LRRC58: variants seen among roughly 807,000 people sequenced by gnomAD.
The protein encoded by LRRC58 is leucine rich repeat containing 58, also known as leucine-rich repeat-containing protein 58.
A neutral mutation model predicts 30.6 loss-of-function variants in LRRC58; 18 were observed. The observed-to-expected ratio is 0.59, with a 90% CI of 0.41 to 0.87. LRRC58 has a LOEUF of 0.87. LRRC58 is among the 40% of genes least tolerant of loss of function. The pLI is 0.00. For missense variants in LRRC58, 420 were observed against 468.4 expected, an observed-to-expected ratio of 0.90 and a Z score of 0.95; for synonymous variants, 221 against 206.0, an observed-to-expected ratio of 1.07 and a Z score of -0.62.
chr3:120,325,419 C>T lies in LRRC58; in HGVS notation c.*5781G>A, dbSNP rs1398085899. 2 of 152,252 alleles carry T rather than the reference C, an allele frequency of 1.3e-5. No homozygotes were observed. Among genetic ancestry groups the T allele is most frequent in the African/African-American group, 4.8e-5 (2 of 41,544 alleles). The allele number at this position is 152,252 out of a possible 1,614,324, so 9.4% of individuals were successfully genotyped here. A position where few individuals can be genotyped will look rare whatever the true frequency, so the allele number is the denominator to read the frequency against. On this transcript the variant is annotated 3_prime_UTR_variant, in exon 4 of 4. Coordinates refer to ENST00000295628, the MANE Select transcript of LRRC58 (RefSeq NM_001099678.2). ...TTTCCACCATAGGTTTGTGGTATGA[C>T]AGTATATAAATAACCTTCATTAAAC...
At chr3:120,331,707 G>A (rs1395977755) in intron 3 of LRRC58, among the ~76,000 whole-genome samples, 2 of 152,030 alleles carry the variant, frequency 1.3e-5, no homozygotes, top group Non-Finnish European at 2.9e-5. Flanking sequence ...GGAGATTTTA[G>A]GACACCTGAG....
Position 120,324,608 on chromosome 3 carries a change from C to A in LRRC58, c.*6592G>T, listed in dbSNP as rs1935648134. 6.6e-6 allele frequency: 1 copy of A among 152,050 alleles called. No homozygotes were observed. The highest frequency in any genetic ancestry group is 6.5e-5 in the Admixed American group (1 of 15,278). The allele number at this position is 152,050 out of a possible 1,614,324, so 9.4% of individuals were successfully genotyped here. A position where few individuals can be genotyped will look rare whatever the true frequency, so the allele number is the denominator to read the frequency against. Reference sequence around the variant, plus strand: ...ACTTTAATATAGAACTGGATTCCAACAAAACAGTTTTATTAAAATAAGGCA... The same window carrying A: ...ACTTTAATATAGAACTGGATTCCAAAAAAACAGTTTTATTAAAATAAGGCA... On this transcript the variant is annotated 3_prime_UTR_variant, in exon 4 of 4. Coordinates refer to ENST00000295628, the MANE Select transcript of LRRC58 (RefSeq NM_001099678.2).
intron 3 of LRRC58, among the ~76,000 whole-genome samples, chr3:120,332,738 A>C (rs1302046444): frequency 6.6e-6 from 1 of 151,824 alleles, no homozygotes; most frequent in Non-Finnish European, 1.5e-5. Context: ...AGATTATCTC[A>C]AATTTTAAAC....
intron 1 of LRRC58, among the ~76,000 whole-genome samples, chr3:120,338,229 T>C (rs1935860177): frequency 6.6e-6 from 1 of 152,234 alleles, no homozygotes; most frequent in Non-Finnish European, 1.5e-5. Context: ...TTTGTTGGTA[T>C]TTATTTCATT....
chr3:120,340,647 G>A (rs570283758), intron 1 of LRRC58, among the ~76,000 whole-genome samples: 3 of 152,284 alleles, frequency 2.0e-5, no homozygotes, highest in Non-Finnish European at 2.9e-5. Context: ...GCTGAGGCAG[G>A]TGGATGACTT....
At chr3:120,348,722 C>T (rs1336036584) in intron 1 of LRRC58, 22 bp downstream of exon 1, 1 of 1,519,880 alleles carries the variant, frequency 6.6e-7, no homozygotes, top group Admixed American at 2.0e-5. Flanking sequence ...GCCTCCCCAC[C>T]CTCCGGCACA....
intron 1 of LRRC58, among the ~76,000 whole-genome samples, chr3:120,343,930 T>C (rs1170077575): frequency 6.6e-6 from 1 of 152,076 alleles, no homozygotes; most frequent in African/African-American, 2.4e-5. Context: ...TCCCAGCTAC[T>C]TGGGAGGCTG....
intron 1 of LRRC58, among the ~76,000 whole-genome samples, chr3:120,336,851 TA>T (rs10707185): frequency 0.061 from 8,954 of 147,878 alleles, 728 homozygotes; most frequent in African/African-American, 0.19. Flanking sequence ...TATTTATATA[TA>T]AAAAATATAT....
chr3:120,338,939 A>C (rs192231680), intron 1 of LRRC58, among the ~76,000 whole-genome samples: 1 of 152,348 alleles, frequency 6.6e-6, no homozygotes, highest in Admixed American at 6.5e-5. Context: ...AGCAGACTGG[A>C]GCCTAATCCA....
chr3:120,331,303 G>A lies in LRRC58; in HGVS notation c.1013C>T (p.Pro338Leu). The A allele has an allele frequency of 6.2e-7, 1 of 1,613,980 alleles. No homozygotes were observed. The highest frequency in any genetic ancestry group is 8.5e-7 in the Non-Finnish European group (1 of 1,179,852). The change falls in exon 4 of 4, where the codon CCT becomes CTT. Residue 338 changes from proline to leucine, a missense_variant. Pro to Leu is a moderately conservative substitution (Grantham distance 98, BLOSUM62 -3). Coordinates refer to ENST00000295628, the MANE Select transcript of LRRC58 (RefSeq NM_001099678.2). ...GGAGCTGTGAGAGGCAGAACTGCAA[G>A]GGGAAGAACATTCTGGTGAACACAA... Reference protein sequence around the residue: ...HYLCSPECSSPCSSASHSSTS... With the variant: ...HYLCSPECSSLCSSASHSSTS...
Position 120,330,972 on chromosome 3 carries a change from C to T in LRRC58, c.*228G>A, listed in dbSNP as rs1201024190. The T allele has an allele frequency of 3.9e-6, 2 of 511,066 alleles. No individual in the cohort carries two copies. Among genetic ancestry groups the T allele is most frequent in the Non-Finnish European group, 7.1e-6 (2 of 283,176 alleles). The allele number at this position is 511,066 out of a possible 1,614,324, so 31.7% of individuals were successfully genotyped here. A position where few individuals can be genotyped will look rare whatever the true frequency, so the allele number is the denominator to read the frequency against. On this transcript the variant is annotated 3_prime_UTR_variant, in exon 4 of 4. Coordinates refer to ENST00000295628, the MANE Select transcript of LRRC58 (RefSeq NM_001099678.2). ...TTGAGTGAAAACTGCAAACCATCAG[C>T]CAAATGTGAAACTATCATTCACAAA... is the stretch of plus-strand genomic sequence containing the variant.
rs942149810 is a variant in LRRC58, at chr3:120,334,263, G to T, written c.907+599C>A. On this transcript the variant is annotated intron_variant, in intron 3 of 3. Transcript: ENST00000295628. The stretch of plus-strand genomic sequence containing the variant: ...CTCACGCCTGTAATCCCAGCACTTT[G>T]GGAGGCCGAGGTGGGCGGATCACAA... 4.6e-5 allele frequency among the ~76,000 whole-genome samples: 7 copies of T among 152,274 alleles called. No individual in the cohort carries two copies. The South Asian group carries it at 1.5e-3, about 32-fold the overall frequency.
intron 3 of LRRC58, among the ~76,000 whole-genome samples, chr3:120,333,165 G>A (rs1935782780): frequency 6.6e-6 from 1 of 152,046 alleles, no homozygotes; most frequent in Admixed American, 6.5e-5. Flanking sequence ...TTACAGACAG[G>A]CATGAGCCAC....
chr3:120,334,723 C>A, intron 3 of LRRC58, 139 bp downstream of exon 3: 2 of 813,692 alleles, frequency 2.5e-6, no homozygotes, highest in Non-Finnish European at 3.7e-6. Context: ...TTTAAAAAAC[C>A]CAGAGTGAAA....
At position 120,331,218 on chromosome 3, in the gene LRRC58, CT is replaced by C; in HGVS notation, c.1097del (p.Gln366ArgfsTer14). 6.2e-7 allele frequency: 1 copy of C among 1,613,998 alleles called. No homozygotes were observed. On this transcript the variant is annotated frameshift_variant, in exon 4 of 4. Transcript: ENST00000295628. LOFTEE classifies it high-confidence loss of function. ...DEASVAARRM[Q>X]KVLLG ...CTCCTGTTCAACCAAGAAGAACTTT[CT>C]GCATTCTGCGTGCAGCAACACTAGC...
rs769900477 is a variant in LRRC58, at chr3:120,334,967, G to A, written c.802C>T (p.Arg268Trp). 1.3e-5 allele frequency: 21 copies of A among 1,613,624 alleles called. No individual in the cohort carries two copies. The highest frequency in any genetic ancestry group is 3.3e-5 in the Admixed American group (2 of 59,968). ...GAAATATTTCGAATCTTAATGGTCC[G>A]TGCAGCTAATTCCAGGAGAGTTGGA... ...DPPTLLELAA[R>W]TIKIRNISYT... The change falls in exon 3 of 4, where the codon CGG becomes TGG. Residue 268 changes from arginine (R) to tryptophan (W), a missense_variant. Coordinates refer to ENST00000295628, the MANE Select transcript of LRRC58 (RefSeq NM_001099678.2).
At position 120,328,471 on chromosome 3, in the gene LRRC58, G is replaced by C. The variant is rs1298376991; in HGVS notation, c.*2729C>G. ...ATCCATAGTTTTGGTCACTAAAATC[G>C]TCCAAGTAGAGCAATATCAAAAACT... is the stretch of plus-strand genomic sequence containing the variant. On this transcript the variant is annotated 3_prime_UTR_variant, in exon 4 of 4. Coordinates refer to ENST00000295628, the MANE Select transcript of LRRC58 (RefSeq NM_001099678.2). 2.0e-5 allele frequency: 3 copies of C among 152,100 alleles called. No individual in the cohort carries two copies. Among genetic ancestry groups the C allele is most frequent in the African/African-American group, 7.2e-5 (3 of 41,414 alleles). The allele number at this position is 152,100 out of a possible 1,614,324, so 9.4% of individuals were successfully genotyped here.
intron 1 of LRRC58, among the ~76,000 whole-genome samples, chr3:120,347,358 C>CT (rs973023241): frequency 4.3e-5 from 4 of 92,442 alleles, no homozygotes; most frequent in Non-Finnish European, 7.1e-5. Flanking sequence ...ACCAAGAGTT[C>CT]TTTTTTCCCA....
rs773246964 is a variant in LRRC58, at chr3:120,335,032, G to A, written c.737C>T (p.Pro246Leu). 2 of 1,613,890 alleles carry A rather than the reference G, an allele frequency of 1.2e-6. No homozygotes were observed. The highest frequency in any genetic ancestry group is 2.2e-5 in the South Asian group (2 of 91,072). Reference sequence around the variant, plus strand: ...ATCTCTAACAAAACGAACAACCAATGGATTTCCTCGTAAACTCAACTCTTC... The same window carrying A: ...ATCTCTAACAAAACGAACAACCAATAGATTTCCTCGTAAACTCAACTCTTC... Reference protein sequence around the residue: ...HLEELSLRGNPLVVRFVRDLT... With the variant: ...HLEELSLRGNLLVVRFVRDLT... Residue 246 changes from proline to leucine, a missense_variant, in exon 3 of 4, where the codon CCA (proline) becomes CTA (leucine). Physicochemically the swap from Pro to Leu is moderately conservative, Grantham distance 98. Around this residue, in one of 2 missense-constraint regions of LRRC58, gnomAD observed 154 missense variants for 216.8 expected, o/e 0.71. Coordinates refer to ENST00000295628, the MANE Select transcript of LRRC58 (RefSeq NM_001099678.2).
Sources: gnomAD v4.1 joint callset for allele counts (sites outside exome capture counted in the v4.1 genomes callset) on GRCh38, gnomAD v4.1.1 for gene constraint, gnomAD v4.1.1 regional missense constraint, MANE v1.5 for transcripts, NCBI Gene and HGNC (gene_info 2026-07-23, HGNC 2026-07-21) for gene names.